The following PGD variants were observed in gnomAD, a reference collection of about 807,000 sequenced individuals.
The protein encoded by PGD is phosphogluconate dehydrogenase, also known as 6-phosphogluconate dehydrogenase, decarboxylating.
PGD carries 21 observed loss-of-function variants against 60.4 expected under a neutral mutation model. That is an observed-to-expected ratio of 0.35 (90% CI 0.25 to 0.50). PGD has a LOEUF of 0.50. Among genes scored for constraint, PGD ranks in the 20% least tolerant of loss-of-function variants. PGD has a pLI of 0.98. For synonymous variants in PGD, 230 were observed against 235.9 expected (o/e 0.97, Z 0.23); for missense variants, 477 against 613.1 (o/e 0.78, Z 2.34).
intron 6 of PGD, among the ~76,000 whole-genome samples, chr1:10,409,466 G>A (rs1474666336): frequency 1.3e-5 from 2 of 152,038 alleles, no homozygotes; most frequent in African/African-American, 4.8e-5. Context: ...GCGGTAAAAG[G>A]CCGGGTGTAG....
In PGD at chr1:10,399,656, C is replaced by T. The variant is rs140036200; in HGVS notation, c.36C>T (p.Ala12=). ...AQADIALIGL[A]VMGQNLILNM... ...CTGACATCGCGCTGATCGGATTGGC[C>T]GTCATGGGCCAGAACTTAATTCTGA... The change falls in exon 2 of 13, where the codon GCC becomes GCT. Residue 12 remains alanine (A), a synonymous_variant. Transcript: ENST00000270776. The T allele has an allele frequency of 8.7e-6, 14 of 1,614,062 alleles. No homozygotes were observed. The highest frequency in any genetic ancestry group is 5.3e-5 in the African/African-American group (4 of 75,062).
chr1:10,401,472 G>A (rs1557758751), intron 3 of PGD, among the ~76,000 whole-genome samples: 2 of 152,186 alleles, frequency 1.3e-5, no homozygotes, highest in African/African-American at 4.8e-5. Flanking sequence ...TTCTAGAGGA[G>A]TCGTGTCAAC....
chr1:10,402,031 T>A (rs2847341), intron 3 of PGD, among the ~76,000 whole-genome samples: 72,281 of 144,318 alleles, frequency 0.5, 18,200 homozygotes, highest in African/African-American at 0.63. Context: ...ATAAATAAAT[T>A]AATTAATTAA....
rs777311425 is a variant in PGD at position 10,413,041 on chromosome 1, TC to T, written c.655-20del. On this transcript the variant is annotated intron_variant, in intron 7 of 12. Transcript: ENST00000270776. ...AGCCCTCATTCCTCTAACATGGTTC[TC>T]TCCTGTGTTCTGCATGTAGGCCTTT... is the stretch of plus-strand genomic sequence containing the variant. The T allele has an allele frequency of 7.5e-6, 12 of 1,606,140 alleles. No homozygotes were observed. Among genetic ancestry groups the T allele is most frequent in the Non-Finnish European group, 1.0e-5 (12 of 1,173,324 alleles).
rs972966833 is a variant in PGD at position 10,402,964 on chromosome 1, C to G, written c.265-107C>G. Reference sequence around the variant, plus strand: ...CTGCATTCCAAGCTGGGCAACAGAACGAGACTCTTTTTAGACTATGTTTAT... The same window carrying G: ...CTGCATTCCAAGCTGGGCAACAGAAGGAGACTCTTTTTAGACTATGTTTAT... On this transcript the variant is annotated intron_variant, in intron 3 of 12. Transcript: ENST00000270776. 8 of 813,146 alleles carry G rather than the reference C, an allele frequency of 9.8e-6. No individual in the cohort carries two copies. In the African/African-American group the frequency reaches 1.3e-4, roughly 14 times the overall value. 50.4% of individuals were successfully genotyped at this position (813,146 alleles called of 1,614,324 possible). A position where few individuals can be genotyped will look rare whatever the true frequency, so the allele number is the denominator to read the frequency against.
chr1:10,405,401 T>TACACACACACACAC (rs57033638), intron 5 of PGD, among the ~76,000 whole-genome samples: 2,760 of 108,442 alleles, frequency 0.025, 41 homozygotes, highest in Non-Finnish European at 0.034. Flanking sequence ...AAACAAAAAA[T>TACACACACACACAC]ACACACACAC....
chr1:10,418,315 C>G (rs921385823), intron 10 of PGD, among the ~76,000 whole-genome samples: 4 of 152,148 alleles, frequency 2.6e-5, no homozygotes, highest in Non-Finnish European at 5.9e-5. Flanking sequence ...GTCAGATTTT[C>G]TTCAGCCTCA....
intron 3 of PGD, among the ~76,000 whole-genome samples, chr1:10,402,348 G>A (rs1639329245): frequency 6.6e-6 from 1 of 151,900 alleles, no homozygotes; most frequent in Non-Finnish European, 1.5e-5. Flanking sequence ...GGGATTACAG[G>A]TGTGAGCCAC....
intron 11 of PGD, among the ~76,000 whole-genome samples, 191 bp downstream of exon 11, chr1:10,419,116 C>T (rs931672464): frequency 4.0e-5 from 6 of 151,422 alleles, no homozygotes; most frequent in Non-Finnish European, 7.4e-5. Context: ...TCAAGCGATT[C>T]TCCTGCCCCA....
intron 3 of PGD, among the ~76,000 whole-genome samples, chr1:10,402,615 C>T (rs1049922076): frequency 3.3e-5 from 5 of 151,536 alleles, no homozygotes; most frequent in East Asian, 2.0e-4. Context: ...CTCCACCTCC[C>T]GGGTTCACGC....
Position 10,400,495 on chromosome 1 carries a change from T to A in PGD, c.187T>A (p.Ser63Thr). 6.2e-7 allele frequency: 1 copy of A among 1,614,016 alleles called. No individual in the cohort carries two copies. Among genetic ancestry groups the A allele is most frequent in the Non-Finnish European group, 8.5e-7 (1 of 1,179,958 alleles). ...VGAQSLKEMV[S>T]KLKKPRRIIL... ...TGCCCAGTCCCTGAAAGAGATGGTC[T>A]CCAAGCTGAAGAAGCCCCGGCGGAT... The change falls in exon 3 of 13, where the codon TCC (serine) becomes ACC (threonine). Residue 63 changes from serine to threonine, a missense_variant. By Grantham distance (58) the Ser-to-Thr change is moderately conservative. Around this residue, in one of 3 missense-constraint regions of PGD, gnomAD observed 431 missense variants for 556.6 expected, o/e 0.77. Transcript: ENST00000270776.
chr1:10,419,259 C>T (rs1409068273), intron 11 of PGD, among the ~76,000 whole-genome samples, 158 bp from the exon 12 acceptor site: 17 of 151,846 alleles, frequency 1.1e-4, no homozygotes, highest in African/African-American at 2.4e-5. Context: ...CCTCGTGATC[C>T]GCCCACCTCA....
intron 3 of PGD, among the ~76,000 whole-genome samples, chr1:10,402,528 A>AT (rs1179003611): frequency 2.0e-4 from 29 of 144,548 alleles, no homozygotes; most frequent in Admixed American, 4.1e-4. Flanking sequence ...CTCAAAAAAA[A>AT]TTTTTTTTTT....
intron 12 of PGD, 31 bp downstream of exon 12, chr1:10,419,570 T>C: frequency 6.2e-7 from 1 of 1,614,050 alleles, no homozygotes; most frequent in East Asian, 2.2e-5. Context: ...TTAACCTGGC[T>C]GGCCCCTCGG....
chr1:10,406,454 A>G (rs1340207086), intron 5 of PGD, among the ~76,000 whole-genome samples: 1 of 152,228 alleles, frequency 6.6e-6, no homozygotes, highest in Non-Finnish European at 1.5e-5. Context: ...TAGAAAGGCA[A>G]CCAGCAGACA....
At chr1:10,411,688 C>T in intron 7 of PGD, 136 bp downstream of exon 7, 1 of 913,718 alleles carries the variant, frequency 1.1e-6, no homozygotes, top group Non-Finnish European at 1.7e-6. Context: ...TTGAGGGAAA[C>T]TGTTAGTAAT....
In PGD at chr1:10,413,135, A is replaced by G. The variant is rs746024638; in HGVS notation, c.728A>G (p.Gln243Arg). The change falls in exon 8 of 13, where the codon CAA (glutamine) becomes CGA (arginine). Residue 243 changes from glutamine (Q) to arginine (R), a missense_variant. Physicochemically the swap from Gln to Arg is conservative, Grantham distance 43. Around this residue, in one of 3 missense-constraint regions of PGD, gnomAD observed 431 missense variants for 556.6 expected, o/e 0.77. Coordinates refer to ENST00000270776, the MANE Select transcript of PGD (RefSeq NM_002631.4). ...ATCACAGCCAATATTCTCAAGTTCCAAGACACCGATGGCAAACACCTGCTG... is the reference window on the plus strand; with the variant it reads ...ATCACAGCCAATATTCTCAAGTTCCGAGACACCGATGGCAAACACCTGCTG... ...IEITANILKF[Q>R]DTDGKHLLPK... 6.2e-7 allele frequency: 1 copy of G among 1,614,180 alleles called. No individual in the cohort carries two copies. The highest frequency in any genetic ancestry group is 8.5e-7 in the Non-Finnish European group (1 of 1,180,002).
At chr1:10,417,164 C>T (rs1557765919) in intron 9 of PGD, 47 bp downstream of exon 9, 1 of 1,606,706 alleles carries the variant, frequency 6.2e-7, no homozygotes. Context: ...CTGCGGAAGG[C>T]AGTGGGGGTG....
chr1:10,413,900 G>A (rs1226434229), intron 8 of PGD, among the ~76,000 whole-genome samples: 8 of 140,366 alleles, frequency 5.7e-5, no homozygotes, highest in Admixed American at 4.9e-4. Flanking sequence ...GCGAGACTTC[G>A]TCTCAAAAAA....
Sources: gnomAD v4.1 joint callset for allele counts (sites outside exome capture counted in the v4.1 genomes callset) on GRCh38, gnomAD v4.1.1 for gene constraint, gnomAD v4.1.1 regional missense constraint, MANE v1.5 for transcripts, NCBI Gene and HGNC (gene_info 2026-07-23, HGNC 2026-07-21) for gene names.